The following RERE variants were observed in gnomAD, a reference collection of about 807,000 sequenced individuals.
The protein encoded by RERE is arginine-glutamic acid dipeptide repeats.
In RERE, 40 loss-of-function variants were observed where a neutral mutation model predicts 146.1. That is an observed-to-expected ratio of 0.27 (90% CI 0.21 to 0.36). The LOEUF is 0.36. Among genes scored for constraint, RERE ranks in the 10% least tolerant of loss-of-function variants. The pLI, the probability that RERE is intolerant of heterozygous loss-of-function variation, is 1.00. For missense variants in RERE, 1,933 were observed against 2,138.7 expected, an observed-to-expected ratio of 0.90 and a Z score of 1.90; for synonymous variants, 1,003 against 866.0, an observed-to-expected ratio of 1.16 and a Z score of -2.78.
chr1:8,551,124 A>C (rs1478167919), intron 6 of RERE, among the ~76,000 whole-genome samples: 1 of 152,196 alleles, frequency 6.6e-6, no homozygotes, highest in East Asian at 1.9e-4. Context: ...GCAGTAGGAT[A>C]TTTCTTTCCC....
chr1:8,588,444 G>A lies in RERE; in HGVS notation c.522+26117C>T, dbSNP rs146341702. Among the ~76,000 whole-genome samples the A allele has an allele frequency of 2.1e-3, 314 of 152,164 alleles. 1 individual carries two copies. Among genetic ancestry groups the A allele is most frequent in the African/African-American group, 7.3e-3 (305 of 41,518 alleles). On this transcript the variant is annotated intron_variant, in intron 4 of 22. Transcript: ENST00000400908. ...CCCCTCATCGAAGGGTCGTCGCCTC[G>A]TCCAGTCTCTCTGGGTGGCCATGCT...
intron 6 of RERE, among the ~76,000 whole-genome samples, chr1:8,553,654 AAAC>A (rs1317471498): frequency 2.6e-5 from 4 of 152,244 alleles, no homozygotes; most frequent in Non-Finnish European, 5.9e-5. Flanking sequence ...ACTTTAAAGA[AAAC>A]ACCACAGGAG....
rs535915912 is a variant in RERE, at chr1:8,707,893, A to C, written c.-144-51452T>G. On this transcript the variant is annotated intron_variant, in intron 1 of 22. Transcript: ENST00000400908. The stretch of plus-strand genomic sequence containing the variant: ...AACTACAGTTCAAAAATAGGTGACT[A>C]AGGTACAGTAAGATACTTTGAGAGG... Among the ~76,000 whole-genome samples, 13 of 152,336 alleles carry C rather than the reference A, an allele frequency of 8.5e-5. 1 individual carries two copies. The South Asian group carries it at 2.7e-3, about 32-fold the overall frequency.
chr1:8,515,858 T>C (rs976320792), intron 7 of RERE, among the ~76,000 whole-genome samples: 3 of 152,112 alleles, frequency 2.0e-5, no homozygotes, highest in African/African-American at 7.2e-5. Context: ...ATATCCAGAA[T>C]AATGCAACAT....
In RERE at chr1:8,356,134, T is replaced by TG; in HGVS notation, c.4451dup (p.His1485ThrfsTer18). On this transcript the variant is annotated frameshift_variant, in exon 21 of 23. Coordinates refer to ENST00000400908, the MANE Select transcript of RERE (RefSeq NM_001042681.2). LOFTEE classifies it high-confidence loss of function. The surrounding 1 kb of genome is among the most constrained non-coding windows in gnomAD (Gnocchi z 5.2). ...GGTGGCGAAGCATCTCGTGCTCGTG[T>TG]GGGGGCTGTCCAAGCAGAGGGTTGG... 1 of 1,511,024 alleles carries TG rather than the reference T, an allele frequency of 6.6e-7. No homozygotes were observed. The highest frequency in any genetic ancestry group is 2.5e-5 in the Admixed American group (1 of 40,176). The allele number at this position is 1,511,024 out of a possible 1,614,324, so 93.6% of individuals were successfully genotyped here.
At chr1:8,795,735 C>T (rs959217170) in intron 1 of RERE, among the ~76,000 whole-genome samples, 5 of 152,272 alleles carry the variant, frequency 3.3e-5, no homozygotes, top group African/African-American at 1.2e-4. Flanking sequence ...GTAATCCCAG[C>T]ACTTTGGGAG....
Position 8,556,468 on chromosome 1 carries a change from T to A in RERE, c.725+7A>T. Reference sequence around the variant, plus strand: ...TTCACATGGAAGAGCACGTCTCCAGTACTTACCTAAGGGCAGCAGCATGGT... The same window carrying A: ...TTCACATGGAAGAGCACGTCTCCAGAACTTACCTAAGGGCAGCAGCATGGT... On this transcript the variant is annotated splice_region_variant and intron_variant, in intron 6 of 22. Transcript: ENST00000400908. 6.5e-7 allele frequency: 1 copy of A among 1,542,200 alleles called. No homozygotes were observed. Among genetic ancestry groups the A allele is most frequent in the Non-Finnish European group, 9.0e-7 (1 of 1,114,494 alleles).
chr1:8,716,588 T>C (rs559298469), intron 1 of RERE, among the ~76,000 whole-genome samples: 21 of 151,968 alleles, frequency 1.4e-4, no homozygotes, highest in African/African-American at 5.1e-4. Flanking sequence ...AACTCAAGGA[T>C]GGGAGGAACT....
At chr1:8,383,637 G>T (rs189041474) in intron 12 of RERE, among the ~76,000 whole-genome samples, 82 of 152,206 alleles carry the variant, frequency 5.4e-4, no homozygotes, top group Non-Finnish European at 1.1e-3. Flanking sequence ...GAGGTGGGTG[G>T]ATCACGAGGT....
chr1:8,482,971 C>T (rs976208918), intron 10 of RERE, among the ~76,000 whole-genome samples: 11 of 152,196 alleles, frequency 7.2e-5, no homozygotes, highest in African/African-American at 2.7e-4. Context: ...TTTCTGCATC[C>T]TCACTAATGC....
chr1:8,434,165 T>C (rs1644135910), intron 11 of RERE, among the ~76,000 whole-genome samples: 1 of 152,070 alleles, frequency 6.6e-6, no homozygotes, highest in South Asian at 2.1e-4. Flanking sequence ...TATAGAAACA[T>C]AACACAAAGG....
At chr1:8,385,860 T>A (rs1321811921) in intron 12 of RERE, among the ~76,000 whole-genome samples, 1 of 146,382 alleles carries the variant, frequency 6.8e-6, no homozygotes, top group Non-Finnish European at 1.5e-5. Flanking sequence ...TCCCAGCCAC[T>A]CGGGAGACTG....
intron 15 of RERE, 63 bp from the exon 16 acceptor site, chr1:8,362,907 G>C: frequency 1.9e-6 from 3 of 1,552,646 alleles, no homozygotes; most frequent in Non-Finnish European, 2.6e-6. Flanking sequence ...ACCCACCTGA[G>C]CCCAACCCAC....
intron 1 of RERE, among the ~76,000 whole-genome samples, chr1:8,733,249 A>G (rs1350321771): frequency 6.6e-6 from 1 of 152,204 alleles, no homozygotes; most frequent in African/African-American, 2.4e-5. Context: ...CAGGCCCAAT[A>G]ATTTACATTT....
At chr1:8,758,539 G>A (rs1640692241) in intron 1 of RERE, among the ~76,000 whole-genome samples, 1 of 151,788 alleles carries the variant, frequency 6.6e-6, no homozygotes, top group African/African-American at 2.4e-5. Context: ...CTACAGGTGT[G>A]CGCCACCACA....
chr1:8,380,583 G>A (rs2636314), intron 12 of RERE: 70,468 of 324,398 alleles, frequency 0.22, 8,659 homozygotes, highest in Middle Eastern at 0.38. Flanking sequence ...TCCTGATCTC[G>A]TGATCCACCT....
chr1:8,631,454 G>C (rs549347103), intron 2 of RERE, among the ~76,000 whole-genome samples: 1 of 152,288 alleles, frequency 6.6e-6, no homozygotes, highest in African/African-American at 2.4e-5. Flanking sequence ...AACTGCTGCA[G>C]CATGAAGCAT....
chr1:8,479,706 G>A (rs527380079), intron 10 of RERE, among the ~76,000 whole-genome samples: 3 of 152,288 alleles, frequency 2.0e-5, no homozygotes, highest in East Asian at 1.9e-4. Flanking sequence ...AGGAGGAGCC[G>A]GAGAGGTACC....
At chr1:8,418,333 A>G (rs1298889441) in intron 12 of RERE, among the ~76,000 whole-genome samples, 1 of 152,216 alleles carries the variant, frequency 6.6e-6, no homozygotes, top group Non-Finnish European at 1.5e-5. Context: ...TCAAAAATAA[A>G]AAGAAAGAGA....
Sources: gnomAD v4.1 joint callset for allele counts (sites outside exome capture counted in the v4.1 genomes callset) on GRCh38, gnomAD v4.1.1 for gene constraint, Gnocchi (gnomAD v3.1) non-coding constraint, MANE v1.5 for transcripts, NCBI Gene and HGNC (gene_info 2026-07-23, HGNC 2026-07-21) for gene names.